THEMIS: variants seen among roughly 807,000 people sequenced by gnomAD.
The protein encoded by THEMIS is thymocyte selection associated, also known as protein THEMIS.
In THEMIS, 37 loss-of-function variants were observed where a neutral mutation model predicts 52.6. That is an observed-to-expected ratio of 0.70 (90% CI 0.54 to 0.93). The LOEUF is 0.93. Ranked by LOEUF, THEMIS falls within the 40% of genes least tolerant of loss-of-function variation. The pLI is 0.00. For missense variants in THEMIS, 808 were observed against 763.1 expected (o/e 1.06, Z -0.69); for synonymous variants, 292 against 272.7 (o/e 1.07, Z -0.70).
chr6:127,813,384 C>G lies in THEMIS; in HGVS notation c.1257G>C (p.Lys419Asn). The change falls in exon 4 of 6, where the codon AAG becomes AAC. Residue 419 changes from lysine (K) to asparagine (N), a missense_variant. Coordinates refer to ENST00000368248, the MANE Select transcript of THEMIS (RefSeq NM_001010923.3). Reference protein sequence around the residue: ...NVLACEKILKKSYEAALLPLY... With the variant: ...NVLACEKILKNSYEAALLPLY... ...AAGGGAGCAGCGCAGCCTCATAGGA[C>G]TTTTTGAGGATTTTTTCACAGGCCA... 6.2e-7 allele frequency: 1 copy of G among 1,613,612 alleles called. No homozygotes were observed. Among genetic ancestry groups the G allele is most frequent in the Non-Finnish European group, 8.5e-7 (1 of 1,179,804 alleles).
chr6:127,710,513 A>G (rs969725579), intron 5 of THEMIS, among the ~76,000 whole-genome samples: 59 of 152,092 alleles, frequency 3.9e-4, no homozygotes, highest in African/African-American at 1.3e-3. Context: ...TAAGAACTAC[A>G]GAGGAGGAAA....
intron 3 of THEMIS, among the ~76,000 whole-genome samples, chr6:127,823,439 T>C (rs1309781680): frequency 6.6e-6 from 1 of 152,136 alleles, no homozygotes; most frequent in South Asian, 2.1e-4. Flanking sequence ...GAAAACCCCC[T>C]TGTTACCTAA....
chr6:127,826,215 C>G (rs1367406110), intron 3 of THEMIS, among the ~76,000 whole-genome samples: 1 of 152,140 alleles, frequency 6.6e-6, no homozygotes, highest in Non-Finnish European at 1.5e-5. Context: ...AAATTTGGCC[C>G]TCGTGTCAAG....
Position 127,829,866 on chromosome 6 carries a change from T to C in THEMIS, c.319A>G (p.Ile107Val), listed in dbSNP as rs1056302069. 1.9e-6 allele frequency: 3 copies of C among 1,613,976 alleles called. No individual in the cohort carries two copies. The highest frequency in any genetic ancestry group is 2.7e-5 in the African/African-American group (2 of 74,930). ...TMEEITRTIH[I>V]GPSRLGHPCF... ...GGATGCCCTAGTCTACTTGGTCCAATATGAATGGTCCTTGTGATTTCTTCC... is the reference window on the plus strand; with the variant it reads ...GGATGCCCTAGTCTACTTGGTCCAACATGAATGGTCCTTGTGATTTCTTCC... Residue 107 changes from isoleucine to valine, a missense_variant, in exon 3 of 6, where the codon ATT becomes GTT. Ile to Val is a conservative substitution (Grantham distance 29). Transcript: ENST00000368248.
At chr6:127,865,302 A>G (rs1313819082) in intron 1 of THEMIS, among the ~76,000 whole-genome samples, 8 of 152,138 alleles carry the variant, frequency 5.3e-5, no homozygotes, top group Admixed American at 3.9e-4. Flanking sequence ...AAGTATACAA[A>G]ACACTCATTG....
chr6:127,879,564 G>A (rs919349857), intron 1 of THEMIS, among the ~76,000 whole-genome samples: 36 of 148,004 alleles, frequency 2.4e-4, no homozygotes, highest in African/African-American at 8.5e-4. Context: ...CTAAAAATGT[G>A]TGTAAATGTC....
the THEMIS span, among the ~76,000 whole-genome samples, chr6:127,700,882 A>C: frequency 6.6e-6 from 1 of 152,068 alleles, no homozygotes; most frequent in African/African-American, 2.4e-5. Context: ...CTACGTATAC[A>C]ATCAGAAATA....
At chr6:127,827,042 C>G (rs1316994133) in intron 3 of THEMIS, among the ~76,000 whole-genome samples, 1 of 151,818 alleles carries the variant, frequency 6.6e-6, no homozygotes, top group Non-Finnish European at 1.5e-5. Flanking sequence ...GTTATGTTCT[C>G]TTTTCAGCAA....
chr6:127,816,242 C>T (rs1045487281), intron 3 of THEMIS, among the ~76,000 whole-genome samples: 2 of 152,038 alleles, frequency 1.3e-5, no homozygotes, highest in East Asian at 3.9e-4. Context: ...TCACACACAC[C>T]TTTTAGGGTG....
At position 127,817,263 on chromosome 6, in the gene THEMIS, T is replaced by A. The variant is rs181795167; in HGVS notation, c.710-3332A>T. ...AATGAATTAATGAATAAAAAATAAT[T>A]GCCAGAACAAAGTCCATGAGTGACC... On this transcript the variant is annotated intron_variant, in intron 3 of 5. Coordinates refer to ENST00000368248, the MANE Select transcript of THEMIS (RefSeq NM_001010923.3). Among the ~76,000 whole-genome samples, 280 of 152,212 alleles carry A rather than the reference T, an allele frequency of 1.8e-3. 1 individual carries two copies. Among genetic ancestry groups the A allele is most frequent in the South Asian group, 7.7e-3 (37 of 4,822 alleles).
intron 1 of THEMIS, among the ~76,000 whole-genome samples, chr6:127,882,225 G>C (rs1952395387): frequency 6.6e-6 from 1 of 151,654 alleles, no homozygotes; most frequent in Non-Finnish European, 1.5e-5. Context: ...TTTCAGTACA[G>C]TATCAATGTG....
chr6:127,813,384 CT>C lies in THEMIS; in HGVS notation c.1256del (p.Lys419SerfsTer17). 1 of 1,613,612 alleles carries C rather than the reference CT, an allele frequency of 6.2e-7. No individual in the cohort carries two copies. The highest frequency in any genetic ancestry group is 8.5e-7 in the Non-Finnish European group (1 of 1,179,804). ...NVLACEKILKKSYEAALLPLY... is the reference protein window; with the variant it reads ...NVLACEKILKXSYEAALLPLY... ...AAGGGAGCAGCGCAGCCTCATAGGA[CT>C]TTTTGAGGATTTTTTCACAGGCCAG... On this transcript the variant is annotated frameshift_variant, in exon 4 of 6. Coordinates refer to ENST00000368248, the MANE Select transcript of THEMIS (RefSeq NM_001010923.3). LOFTEE classifies it high-confidence loss of function.
At chr6:127,849,394 G>C (rs763488895) in intron 2 of THEMIS, among the ~76,000 whole-genome samples, 2 of 151,866 alleles carry the variant, frequency 1.3e-5, no homozygotes, top group Non-Finnish European at 2.9e-5. Context: ...GCTTAGGATT[G>C]ACTTGGCAAT....
intron 4 of THEMIS, among the ~76,000 whole-genome samples, chr6:127,783,187 T>C (rs1003544597): frequency 1.1e-4 from 17 of 152,214 alleles, no homozygotes; most frequent in African/African-American, 3.6e-4. Context: ...GCTAGCCATA[T>C]GCAGAAAATT....
intron 4 of THEMIS, among the ~76,000 whole-genome samples, chr6:127,730,318 G>GAAAAGAAAATAAAAGAAAAGAA (rs1456074763): frequency 8.6e-6 from 1 of 116,958 alleles, no homozygotes; most frequent in Non-Finnish European, 1.7e-5. Flanking sequence ...AAAGAAAAGA[G>GAAAAGAAAATAAAAGAAAAGAA]AAAAAAAGAA....
intron 4 of THEMIS, among the ~76,000 whole-genome samples, chr6:127,742,456 A>G (rs1443004775): frequency 1.3e-5 from 2 of 152,214 alleles, no homozygotes; most frequent in African/African-American, 4.8e-5. Context: ...ACTCTAACAG[A>G]TATTTGTAAC....
chr6:127,798,334 A>G (rs1010276342), intron 4 of THEMIS, among the ~76,000 whole-genome samples: 3 of 152,168 alleles, frequency 2.0e-5, no homozygotes, highest in Non-Finnish European at 4.4e-5. Flanking sequence ...ATGACTAAGT[A>G]GTTAAGAAAC....
At chr6:127,884,915 C>T (rs1025402908) in intron 1 of THEMIS, among the ~76,000 whole-genome samples, 24 of 152,108 alleles carry the variant, frequency 1.6e-4, no homozygotes, top group Admixed American at 8.5e-4. Flanking sequence ...TGTGCACACA[C>T]GCATGTGTGC....
downstream of THEMIS, among the ~76,000 whole-genome samples, chr6:127,704,048 A>G (rs529699950): frequency 3.9e-5 from 6 of 152,278 alleles, no homozygotes; most frequent in Admixed American, 3.3e-4. Flanking sequence ...CCTGTCCCTG[A>G]GAATAGAGCC....
Sources: gnomAD v4.1 joint callset for allele counts (sites outside exome capture counted in the v4.1 genomes callset) on GRCh38, gnomAD v4.1.1 for gene constraint, MANE v1.5 for transcripts, NCBI Gene and HGNC (gene_info 2026-07-23, HGNC 2026-07-21) for gene names.